ZFYVE16: variants seen among roughly 807,000 people sequenced by gnomAD.
The protein encoded by ZFYVE16 is zinc finger FYVE domain-containing protein 16.
A neutral mutation model predicts 138.1 loss-of-function variants in ZFYVE16; 89 were observed. That is an observed-to-expected ratio of 0.64 (90% CI 0.54 to 0.77). The LOEUF is 0.77. Ranked by LOEUF, ZFYVE16 falls within the 30% of genes least tolerant of loss-of-function variation. The probability of loss-of-function intolerance (pLI) is 0.00; values close to 1 mark genes in which losing one functional copy is unlikely to be tolerated. For synonymous variants in ZFYVE16, 596 were observed against 618.3 expected (o/e 0.96, Z 0.53); for missense variants, 1,793 against 1,786.7 (o/e 1.00, Z -0.06).
intron 1 of ZFYVE16, among the ~76,000 whole-genome samples, chr5:80,410,681 C>CT (rs1381321500): frequency 6.6e-6 from 1 of 151,764 alleles, no homozygotes; most frequent in Non-Finnish European, 1.5e-5. Flanking sequence ...AGGGATTCTC[C>CT]TGCCTCAGCC....
At chr5:80,473,647 T>C in intron 16 of ZFYVE16, 107 bp from the exon 17 acceptor site, 1 of 676,006 alleles carries the variant, frequency 1.5e-6, no homozygotes, top group East Asian at 3.0e-5. Flanking sequence ...ATAATTGACA[T>C]ATCTTCTTTT....
intron 2 of ZFYVE16, among the ~76,000 whole-genome samples, chr5:80,432,739 A>G (rs1749256074): frequency 6.6e-6 from 1 of 152,216 alleles, no homozygotes; most frequent in Admixed American, 6.5e-5. Flanking sequence ...ACAAATTTAC[A>G]AGAAAAAAAC....
chr5:80,476,225 C>T (rs1010941521), intron 18 of ZFYVE16, among the ~76,000 whole-genome samples: 11 of 152,146 alleles, frequency 7.2e-5, no homozygotes, highest in African/African-American at 2.7e-4. Flanking sequence ...GTGTGAGCCA[C>T]CGCACCTGGC....
rs1177948684 is a variant in ZFYVE16, at chr5:80,483,289, A to G, written c.*5912A>G. The G allele has an allele frequency of 6.6e-6, 1 of 152,246 alleles. No homozygotes were observed. Among genetic ancestry groups the G allele is most frequent in the African/African-American group, 2.4e-5 (1 of 41,472 alleles). The allele number at this position is 152,246 out of a possible 1,614,324, so 9.4% of individuals were successfully genotyped here. A position where few individuals can be genotyped will look rare whatever the true frequency, so the allele number is the denominator to read the frequency against. ...AAAATGATTGCAAAGAAGGAAGAGC[A>G]ACCAAAATGGCAAATCTCTGGATAA... is the stretch of plus-strand genomic sequence containing the variant. On this transcript the variant is annotated 3_prime_UTR_variant, in exon 19 of 19. Transcript: ENST00000505560.
chr5:80,435,813 T>C, intron 3 of ZFYVE16: 1 of 360,726 alleles, frequency 2.8e-6, no homozygotes, highest in Non-Finnish European at 5.6e-6. Flanking sequence ...GATCTCAAGT[T>C]ATCCTCCGAC....
At chr5:80,435,598 T>G (rs1430656422) in intron 3 of ZFYVE16, among the ~76,000 whole-genome samples, 2 of 152,242 alleles carry the variant, frequency 1.3e-5, no homozygotes, top group East Asian at 3.8e-4. Context: ...AGACAGGGTC[T>G]TGCTCTTTCA....
chr5:80,427,610 CTTTTTTTTT>C lies in ZFYVE16; in HGVS notation c.-40+75_-40+83del. 3 of 50,008 alleles carry C rather than the reference CTTTTTTTTT, an allele frequency of 6.0e-5. 1 individual carries two copies. Among genetic ancestry groups the C allele is most frequent in the Admixed American group, 6.4e-4 (2 of 3,122 alleles). 3.1% of individuals were successfully genotyped at this position (50,008 alleles called of 1,614,324 possible). A position where few individuals can be genotyped will look rare whatever the true frequency, so the allele number is the denominator to read the frequency against. ...TAGTTTCTTGTGCCTCTGTCGTATG[CTTTTTTTTT>C]TTTTTTTTTGAATTTTTGCTCTTAG... On this transcript the variant is annotated intron_variant, in intron 2 of 18. Transcript: ENST00000505560.
chr5:80,456,657 CTATCTAATG>C (rs1192662773), intron 13 of ZFYVE16, 92 bp downstream of exon 13: 1 of 1,084,106 alleles, frequency 9.2e-7, no homozygotes, highest in Admixed American at 2.5e-5. Flanking sequence ...TTGAATTAGA[CTATCTAATG>C]TATTATGGCA....
intron 15 of ZFYVE16, among the ~76,000 whole-genome samples, chr5:80,464,377 A>G (rs1753459528): frequency 6.6e-6 from 1 of 152,060 alleles, no homozygotes; most frequent in South Asian, 2.1e-4. Flanking sequence ...CCCTTATAAA[A>G]CCATCAGATC....
intron 3 of ZFYVE16, chr5:80,435,825 G>A (rs995082028): frequency 9.1e-6 from 3 of 328,490 alleles, no homozygotes; most frequent in South Asian, 4.6e-5. Flanking sequence ...TCCTCCGACC[G>A]TGGCTTCCCA....
chr5:80,449,727 T>C lies in ZFYVE16; in HGVS notation c.3226+14T>C, dbSNP rs756080196. 3.8e-6 allele frequency: 6 copies of C among 1,577,872 alleles called. No homozygotes were observed. The highest frequency in any genetic ancestry group is 5.1e-6 in the Non-Finnish European group (6 of 1,165,292). On this transcript the variant is annotated intron_variant, in intron 9 of 18. Coordinates refer to ENST00000505560, the MANE Select transcript of ZFYVE16 (RefSeq NM_001284236.3). Reference sequence around the variant, plus strand: ...AATTCATATTTTGTAAGTAATAATTTATCCTTATTTGCTTAATTGGTAAGC... The same window carrying C: ...AATTCATATTTTGTAAGTAATAATTCATCCTTATTTGCTTAATTGGTAAGC...
At chr5:80,475,129 G>C (rs1222393440) in intron 18 of ZFYVE16, among the ~76,000 whole-genome samples, 1 of 152,192 alleles carries the variant, frequency 6.6e-6, no homozygotes, top group Admixed American at 6.5e-5. Flanking sequence ...AACAAATTAA[G>C]TGTGGCTATG....
intron 11 of ZFYVE16, chr5:80,452,058 A>G (rs1752037210): frequency 9.0e-6 from 2 of 221,304 alleles, no homozygotes; most frequent in South Asian, 1.4e-4. Context: ...GAATATTCAC[A>G]GAGTACATAC....
At chr5:80,467,610 C>A (rs993876967) in intron 15 of ZFYVE16, among the ~76,000 whole-genome samples, 27 of 152,172 alleles carry the variant, frequency 1.8e-4, no homozygotes, top group Non-Finnish European at 4.4e-5. Context: ...AGCCACATAA[C>A]AACAAACAGC....
chr5:80,473,930 A>T, intron 17 of ZFYVE16, 71 bp downstream of exon 17: 1 of 1,111,814 alleles, frequency 9.0e-7, no homozygotes, highest in Non-Finnish European at 1.3e-6. Flanking sequence ...GATTGTGCAT[A>T]CTCAACCTCT....
intron 15 of ZFYVE16, among the ~76,000 whole-genome samples, 193 bp from the exon 16 acceptor site, chr5:80,472,568 A>C (rs1754490274): frequency 1.9e-5 from 1 of 53,054 alleles, no homozygotes; most frequent in Non-Finnish European, 8.5e-5. Context: ...TCTTTGTTTT[A>C]ACCTTAAAAA....
intron 6 of ZFYVE16, chr5:80,444,050 A>G (rs372856561): frequency 6.3e-6 from 2 of 319,854 alleles, no homozygotes; most frequent in Non-Finnish European, 1.2e-5. Context: ...CCTGTCATCA[A>G]TTAGCATCTT....
At chr5:80,470,872 A>C (rs1439280887) in intron 15 of ZFYVE16, among the ~76,000 whole-genome samples, 1 of 152,090 alleles carries the variant, frequency 6.6e-6, no homozygotes, top group Non-Finnish European at 1.5e-5. Context: ...CCCTGAAACT[A>C]TTGCTACAGA....
In ZFYVE16 at chr5:80,449,630, T is replaced by C. The variant is rs1444550520; in HGVS notation, c.3143T>C (p.Ile1048Thr). ...GAACATCCATCTCATGAGCAGATCA[T>C]TTTGCTTCTTGAAGGTGAAAGCTTT... ...VEEHPSHEQIILLLEGESFHP... is the reference protein window; with the variant it reads ...VEEHPSHEQITLLLEGESFHP... The change falls in exon 9 of 19, where the codon ATT becomes ACT. Residue 1048 changes from isoleucine (I) to threonine (T), a missense_variant. Around this residue, in one of 2 missense-constraint regions of ZFYVE16, gnomAD observed 498 missense variants for 582.4 expected, o/e 0.86. Transcript: ENST00000505560. 2 of 1,611,276 alleles carry C rather than the reference T, an allele frequency of 1.2e-6. No homozygotes were observed. The highest frequency in any genetic ancestry group is 1.3e-5 in the African/African-American group (1 of 74,790).
Sources: allele counts gnomAD v4.1 joint callset (sites outside exome capture counted in the v4.1 genomes callset), GRCh38; gene constraint gnomAD v4.1.1; regional missense constraint gnomAD v4.1.1; transcripts MANE v1.5; gene names NCBI Gene and HGNC (gene_info 2026-07-23, HGNC 2026-07-21).